The following ZNF426 variants were observed in gnomAD, a reference collection of about 807,000 sequenced individuals.
ZNF426 encodes zinc finger protein 426.
In ZNF426, 23 loss-of-function variants were observed where a neutral mutation model predicts 24.0. The observed-to-expected ratio is 0.96, with a 90% CI of 0.69 to 1.36. The LOEUF is 1.36. Among genes scored for constraint, ZNF426 ranks in the 40% most tolerant of loss-of-function variants. ZNF426 has a pLI of 0.00. For missense variants in ZNF426, 646 were observed against 658.4 expected (o/e 0.98, Z 0.21); for synonymous variants, 272 against 224.6 (o/e 1.21, Z -1.89).
intron 3 of ZNF426, 86 bp from the exon 4 acceptor site, chr19:9,535,365 A>T: frequency 1.1e-6 from 1 of 923,360 alleles, no homozygotes; most frequent in Admixed American, 2.2e-5. Flanking sequence ...CCTAGTATGA[A>T]ATTCCCATAT....
chr19:9,531,062 C>A lies in ZNF426; in HGVS notation c.331G>T (p.Glu111Ter). 1 of 1,613,630 alleles carries A rather than the reference C, an allele frequency of 6.2e-7. No individual in the cohort carries two copies. The highest frequency in any genetic ancestry group is 8.5e-7 in the Non-Finnish European group (1 of 1,179,566). Residue 111 changes from glutamate to a stop codon, truncating the protein, a stop_gained, in exon 7 of 8, where the codon GAA becomes TAA. Coordinates refer to ENST00000253115, the MANE Select transcript of ZNF426 (RefSeq NM_024106.3). LOFTEE classifies it high-confidence loss of function. ...GACCACTGGGTTTCAAGTCGCATTT[C>A]CCATCCTGAAATAAAACAGACAAAC... ...TVQGGVLQGW[E>*]MRLETQWSIL...
chr19:9,534,354 C>T (rs975001945), intron 4 of ZNF426, among the ~76,000 whole-genome samples: 9 of 151,972 alleles, frequency 5.9e-5, no homozygotes, highest in Non-Finnish European at 8.8e-5. Flanking sequence ...TACAGGCACA[C>T]GCCACCATGC....
At chr19:9,535,458 TGGAA>T (rs1195800290) in intron 3 of ZNF426, among the ~76,000 whole-genome samples, 179 bp from the exon 4 acceptor site, 1 of 151,774 alleles carries the variant, frequency 6.6e-6, no homozygotes, top group Non-Finnish European at 1.5e-5. Flanking sequence ...GAGGTTGAGG[TGGAA>T]GGATTACTTT....
At position 9,529,646 on chromosome 19, in the gene ZNF426, G is replaced by GGAT; in HGVS notation, c.409-13_409-11dup. The GGAT allele has an allele frequency of 1.3e-6, 2 of 1,569,094 alleles. No homozygotes were observed. Among genetic ancestry groups the GGAT allele is most frequent in the Non-Finnish European group, 1.7e-6 (2 of 1,166,874 alleles). The stretch of plus-strand genomic sequence containing the variant: ...CATTGTGTTTTCCTTCCTGTTGAAG[G>GGAT]GATGATGATGATTTAAGGATTTTTC... On this transcript the variant is annotated splice_polypyrimidine_tract_variant and intron_variant, in intron 7 of 7. Coordinates refer to ENST00000253115, the MANE Select transcript of ZNF426 (RefSeq NM_024106.3).
At position 9,529,251 on chromosome 19, in the gene ZNF426, G is replaced by A; in HGVS notation, c.794C>T (p.Thr265Ile). Reference sequence around the variant, plus strand: ...GGTTTCTATAAGCACAGAAAGGCTTGTAGAGTCAATAAAACCTGGCCCATA... The same window carrying A: ...GGTTTCTATAAGCACAGAAAGGCTTATAGAGTCAATAAAACCTGGCCCATA... ...RNYGPGFIDS[T>I]SLSVLIETLN... Residue 265 changes from threonine to isoleucine, a missense_variant, in exon 8 of 8, where the codon ACA becomes ATA. Thr to Ile is a moderately conservative substitution (Grantham distance 89). Transcript: ENST00000253115. 4 of 1,613,854 alleles carry A rather than the reference G, an allele frequency of 2.5e-6. No homozygotes were observed. Among genetic ancestry groups the A allele is most frequent in the Non-Finnish European group, 3.4e-6 (4 of 1,179,946 alleles).
At chr19:9,536,742 G>A (rs1404731785) in intron 2 of ZNF426, among the ~76,000 whole-genome samples, 2 of 152,134 alleles carry the variant, frequency 1.3e-5, no homozygotes, top group African/African-American at 4.8e-5. Context: ...GAGAGGCAAG[G>A]CCAAACCACT....
At position 9,529,572 on chromosome 19, in the gene ZNF426, T is replaced by G. The variant is rs778718935; in HGVS notation, c.473A>C (p.His158Pro). ...TCTCACGTGCGTCTTAAGGCATGAG[T>G]GTTCACTGAAGACTTCTCCACATTG... ...CEQCGEVFSE[H>P]SCLKTHVRTQ... The change falls in exon 8 of 8, where the codon CAC becomes CCC. Residue 158 changes from histidine (H) to proline (P), a missense_variant. By Grantham distance (77) the His-to-Pro change is moderately conservative (BLOSUM62 -2). Coordinates refer to ENST00000253115, the MANE Select transcript of ZNF426 (RefSeq NM_024106.3). The G allele has an allele frequency of 1.2e-6, 2 of 1,608,580 alleles. No homozygotes were observed. Among genetic ancestry groups the G allele is most frequent in the African/African-American group, 1.3e-5 (1 of 74,902 alleles).
chr19:9,536,284 C>T lies in ZNF426; in HGVS notation c.-52G>A. The T allele has an allele frequency of 6.2e-7, 1 of 1,614,180 alleles. No homozygotes were observed. The highest frequency in any genetic ancestry group is 1.6e-4 in the Middle Eastern group (1 of 6,062). On this transcript the variant is annotated 5_prime_UTR_variant, in exon 3 of 8. The change creates a new upstream start codon in the 5' untranslated region. Coordinates refer to ENST00000253115, the MANE Select transcript of ZNF426 (RefSeq NM_024106.3). ...CCTCCTTTCATTGATGTCACCATCA[C>T]TTCAGGACACCTCATTAATCTAAAT...
intron 2 of ZNF426, among the ~76,000 whole-genome samples, chr19:9,536,822 A>AG (rs2073972917): frequency 5.2e-5 from 6 of 115,942 alleles, no homozygotes; most frequent in Non-Finnish European, 1.3e-4. Context: ...TTATCTGGTT[A>AG]ATTTTTTTCC....
Position 9,526,838 on chromosome 19 carries a change from G to A in ZNF426, c.*1542C>T, listed in dbSNP as rs1171295713. 6.6e-6 allele frequency: 1 copy of A among 151,932 alleles called. No homozygotes were observed. Among genetic ancestry groups the A allele is most frequent in the African/African-American group, 2.4e-5 (1 of 41,356 alleles). 9.4% of individuals were successfully genotyped at this position (151,932 alleles called of 1,614,324 possible). ...AAAAAATTTTCATAGAAGCCAGAGGGGGGGAAATGCTTTAAGTATTGAGGA... is the reference window on the plus strand; with the variant it reads ...AAAAAATTTTCATAGAAGCCAGAGGAGGGGAAATGCTTTAAGTATTGAGGA... On this transcript the variant is annotated 3_prime_UTR_variant, in exon 8 of 8. Transcript: ENST00000253115.
rs1351453198 is a variant in ZNF426, at chr19:9,525,458, G to A, written c.*2922C>T. 3 of 152,240 alleles carry A rather than the reference G, an allele frequency of 2.0e-5. No individual in the cohort carries two copies. The highest frequency in any genetic ancestry group is 4.4e-5 in the Non-Finnish European group (3 of 68,240). The allele number at this position is 152,240 out of a possible 1,614,324, so 9.4% of individuals were successfully genotyped here. On this transcript the variant is annotated 3_prime_UTR_variant, in exon 8 of 8. Coordinates refer to ENST00000253115, the MANE Select transcript of ZNF426 (RefSeq NM_024106.3). Reference sequence around the variant, plus strand: ...CATGAGTTCATGTTTAAGAAAGGCTGAGCATTGATGATGGGTTTTTGTTGT... The same window carrying A: ...CATGAGTTCATGTTTAAGAAAGGCTAAGCATTGATGATGGGTTTTTGTTGT...
chr19:9,532,673 G>C (rs1484197798), intron 6 of ZNF426, among the ~76,000 whole-genome samples, 172 bp downstream of exon 6: 1 of 152,138 alleles, frequency 6.6e-6, no homozygotes, highest in Admixed American at 6.6e-5. Context: ...TCACAGACAA[G>C]GGGGGACTGC....
At chr19:9,536,476 G>GGACT (rs2073967491) in intron 2 of ZNF426, 120 bp from the exon 3 acceptor site, 4 of 939,346 alleles carry the variant, frequency 4.3e-6, no homozygotes, top group African/African-American at 1.7e-5. Context: ...CAGGGTGGGA[G>GGACT]GACTGCTTCA....
chr19:9,529,146 C>T lies in ZNF426; in HGVS notation c.899G>A (p.Arg300Gln), dbSNP rs745424017. 1.7e-5 allele frequency: 28 copies of T among 1,614,044 alleles called. No homozygotes were observed. Among genetic ancestry groups the T allele is most frequent in the Middle Eastern group, 1.6e-4 (1 of 6,084 alleles). Reference sequence around the variant, plus strand: ...ATATGGTTTCTCCCCAGTGTGGGTTCGCATGTGAATACTGAGGTAGGCTGG... The same window carrying T: ...ATATGGTTTCTCCCCAGTGTGGGTTTGCATGTGAATACTGAGGTAGGCTGG... ...RYPAYLSIHM[R>Q]THTGEKPYEC... The change falls in exon 8 of 8, where the codon CGA (arginine) becomes CAA (glutamine). Residue 300 changes from arginine (R) to glutamine (Q), a missense_variant. Coordinates refer to ENST00000253115, the MANE Select transcript of ZNF426 (RefSeq NM_024106.3).
intron 6 of ZNF426, among the ~76,000 whole-genome samples, chr19:9,532,545 C>A (rs1173989754): frequency 1.3e-5 from 2 of 152,052 alleles, no homozygotes; most frequent in Non-Finnish European, 2.9e-5. Flanking sequence ...GATTCACCCA[C>A]CTAGGCCTCC....
chr19:9,535,176 G>A lies in ZNF426; in HGVS notation c.117+12C>T, dbSNP rs1568487128. 1 of 1,607,398 alleles carries A rather than the reference G, an allele frequency of 6.2e-7. No individual in the cohort carries two copies. The highest frequency in any genetic ancestry group is 1.7e-5 in the Admixed American group (1 of 59,608). On this transcript the variant is annotated intron_variant, in intron 4 of 7. Coordinates refer to ENST00000253115, the MANE Select transcript of ZNF426 (RefSeq NM_024106.3). ...GTATGTCACTATGTATAAGAATACA[G>A]CTGCTTTTTACCTGATAACAATCTG...
intron 2 of ZNF426, among the ~76,000 whole-genome samples, chr19:9,537,335 G>C (rs1278022916): frequency 6.6e-6 from 1 of 151,772 alleles, no homozygotes; most frequent in Non-Finnish European, 1.5e-5. Context: ...AAAAACCACA[G>C]TTCTGGACTC....
chr19:9,535,190 G>T lies in ZNF426; in HGVS notation c.115C>A (p.Gln39Lys). The change falls in exon 4 of 8, where the codon CAG becomes AAG. Residue 39 changes from glutamine to lysine, a missense_variant and splice_region_variant. Coordinates refer to ENST00000253115, the MANE Select transcript of ZNF426 (RefSeq NM_024106.3). ...ATAAGAATACAGCTGCTTTTTACCT[G>T]ATAACAATCTGTTAGGCAGTCAGCC... ...IVADCLTDCY[Q>K]DSVTFDDVAV... The T allele has an allele frequency of 6.2e-7, 1 of 1,609,024 alleles. No homozygotes were observed. Among genetic ancestry groups the T allele is most frequent in the Non-Finnish European group, 8.5e-7 (1 of 1,176,952 alleles).
Position 9,528,438 on chromosome 19 carries a change from T to G in ZNF426, c.1607A>C (p.Gln536Pro). Residue 536 changes from glutamine (Q) to proline (P), a missense_variant, in exon 8 of 8, where the codon CAA becomes CCA. By Grantham distance (76) the Gln-to-Pro change is moderately conservative (BLOSUM62 -1). Transcript: ENST00000253115. Reference protein sequence around the residue: ...HTEEKPYKCQQCGKAYSHPRS... With the variant: ...HTEEKPYKCQPCGKAYSHPRS... ...GGGATGACTGTAAGCTTTCCCGCAT[T>G]GCTGACATTTATAGGGTTTCTCTTC... 3 of 1,612,350 alleles carry G rather than the reference T, an allele frequency of 1.9e-6. No homozygotes were observed. Among genetic ancestry groups the G allele is most frequent in the Non-Finnish European group, 2.5e-6 (3 of 1,179,414 alleles).
Sources: allele counts gnomAD v4.1 joint callset (sites outside exome capture counted in the v4.1 genomes callset), GRCh38; gene constraint gnomAD v4.1.1; transcripts MANE v1.5; gene names NCBI Gene and HGNC (gene_info 2026-07-23, HGNC 2026-07-21).